DAP: variants seen among roughly 807,000 people sequenced by gnomAD.
DAP encodes the protein death associated protein, also known as death-associated protein 1.
DAP carries 8 observed loss-of-function variants against 13.8 expected under a neutral mutation model. The observed-to-expected ratio is 0.58, with a 90% CI of 0.34 to 1.05. The LOEUF (loss-of-function observed/expected upper bound fraction) is 1.05. DAP is among the 50% of genes least tolerant of loss of function. The pLI, the probability that DAP is intolerant of heterozygous loss-of-function variation, is 0.03. For missense variants in DAP, 106 were observed against 133.2 expected (o/e 0.80, Z 1.01); for synonymous variants, 47 against 47.5 (o/e 0.99, Z 0.04).
intron 1 of DAP, among the ~76,000 whole-genome samples, chr5:10,754,209 G>A (rs1377067854): frequency 2.0e-5 from 3 of 152,290 alleles, no homozygotes; most frequent in Admixed American, 6.5e-5. Flanking sequence ...CGGTAAGAAC[G>A]TATGCAGAGA....
intron 2 of DAP, among the ~76,000 whole-genome samples, chr5:10,730,812 G>A (rs1304084144): frequency 7.7e-6 from 1 of 129,056 alleles, no homozygotes; most frequent in Non-Finnish European, 1.6e-5. Flanking sequence ...CTGGTGGGGG[G>A]AATCCTTCTC....
intron 2 of DAP, among the ~76,000 whole-genome samples, chr5:10,702,404 G>A (rs1481997629): frequency 1.3e-5 from 2 of 152,170 alleles, no homozygotes; most frequent in Non-Finnish European, 2.9e-5. Flanking sequence ...AGAGATAGTG[G>A]ATTTATTTTT....
Position 10,679,691 on chromosome 5 carries a change from A to G in DAP, c.*1365T>C, listed in dbSNP as rs1046285193. 2.6e-5 allele frequency: 4 copies of G among 152,476 alleles called. No homozygotes were observed. The highest frequency in any genetic ancestry group is 9.6e-5 in the African/African-American group (4 of 41,460). The allele number at this position is 152,476 out of a possible 1,614,324, so 9.4% of individuals were successfully genotyped here. ...CCTTAAGTTGATTAGATGGGAAACC[A>G]AACACCGTCTTTCAAGTGTGAGGCT... On this transcript the variant is annotated 3_prime_UTR_variant, in exon 4 of 4. Coordinates refer to ENST00000230895, the MANE Select transcript of DAP (RefSeq NM_004394.3).
At chr5:10,709,422 G>A (rs1003526518) in intron 2 of DAP, among the ~76,000 whole-genome samples, 3 of 152,216 alleles carry the variant, frequency 2.0e-5, no homozygotes, top group African/African-American at 7.2e-5. Context: ...GAGTAACGAG[G>A]TAGGTAAGGG....
chr5:10,732,444 A>C (rs4701880), intron 2 of DAP, among the ~76,000 whole-genome samples: 13,045 of 152,268 alleles, frequency 0.086, 764 homozygotes, highest in East Asian at 0.29. Flanking sequence ...GGCCTTGTTG[A>C]ATATGTGGCC....
At chr5:10,758,133 A>G (rs1294271238) in intron 1 of DAP, among the ~76,000 whole-genome samples, 1 of 152,080 alleles carries the variant, frequency 6.6e-6, no homozygotes, top group East Asian at 1.9e-4. Context: ...CAACATTTTT[A>G]AGGCAGTGAT....
intron 2 of DAP, among the ~76,000 whole-genome samples, chr5:10,686,752 C>G (rs1738165921): frequency 1.3e-5 from 2 of 152,232 alleles, no homozygotes; most frequent in South Asian, 4.1e-4. Flanking sequence ...GGTGAAGCAG[C>G]AACTGCTGAG....
At chr5:10,692,949 C>T (rs1330806012) in intron 2 of DAP, among the ~76,000 whole-genome samples, 1 of 152,168 alleles carries the variant, frequency 6.6e-6, no homozygotes, top group Non-Finnish European at 1.5e-5. Flanking sequence ...AGAGCTTCTG[C>T]ACTCTTAGAA....
chr5:10,745,379 T>C (rs1199163587), intron 2 of DAP, among the ~76,000 whole-genome samples: 2 of 152,186 alleles, frequency 1.3e-5, no homozygotes, highest in East Asian at 1.9e-4. Context: ...TCCTAGCAAT[T>C]TGGCTGCAGG....
rs141889229 is a variant in DAP, at chr5:10,756,104, C to T, written c.55+4910G>A. Among the ~76,000 whole-genome samples, 150 of 91,616 alleles carry T rather than the reference C, an allele frequency of 1.6e-3. 32 individuals are homozygous for T. Among genetic ancestry groups the T allele is most frequent in the African/African-American group, 6.8e-3 (145 of 21,364 alleles). The allele number at this position is 91,616 out of a possible 152,430, so 60.1% of individuals were successfully genotyped here. ...CCAAGGTTGCAGTGAGCCAAGATCA[C>T]GCCACTGCACTCAAGCCTGAGAGAG... On this transcript the variant is annotated intron_variant, in intron 1 of 3. Coordinates refer to ENST00000230895, the MANE Select transcript of DAP (RefSeq NM_004394.3).
intron 2 of DAP, among the ~76,000 whole-genome samples, chr5:10,727,554 G>A (rs113079075): frequency 2.6e-5 from 4 of 152,126 alleles, no homozygotes; most frequent in African/African-American, 4.8e-5. Context: ...GGGTTTAGAT[G>A]GGGGGGACTG....
At chr5:10,757,399 A>T (rs1237095336) in intron 1 of DAP, among the ~76,000 whole-genome samples, 3 of 151,944 alleles carry the variant, frequency 2.0e-5, no homozygotes. Flanking sequence ...CTCAGCCTAC[A>T]GAGTAGCTGA....
chr5:10,755,148 G>A (rs1740150741), intron 1 of DAP, among the ~76,000 whole-genome samples: 1 of 152,318 alleles, frequency 6.6e-6, no homozygotes. Flanking sequence ...GAAGAGTCAG[G>A]GCTCTGAGTG....
intron 1 of DAP, among the ~76,000 whole-genome samples, chr5:10,749,468 TTG>T (rs1232161903): frequency 6.6e-6 from 1 of 152,200 alleles, no homozygotes; most frequent in African/African-American, 2.4e-5. Context: ...ACACTTACTA[TTG>T]TGTGTCTTTT....
At chr5:10,710,814 A>AG (rs1158144283) in intron 2 of DAP, among the ~76,000 whole-genome samples, 1 of 152,096 alleles carries the variant, frequency 6.6e-6, no homozygotes, top group African/African-American at 2.4e-5. Context: ...TATGAAAGGG[A>AG]GGGGCAAATG....
At chr5:10,685,589 G>A (rs531052374) in intron 2 of DAP, among the ~76,000 whole-genome samples, 9 of 152,194 alleles carry the variant, frequency 5.9e-5, no homozygotes, top group Non-Finnish European at 1.0e-4. Flanking sequence ...TAAACATCTA[G>A]GAACAGCCTG....
At chr5:10,691,638 A>G (rs1359958758) in intron 2 of DAP, among the ~76,000 whole-genome samples, 1 of 152,224 alleles carries the variant, frequency 6.6e-6, no homozygotes, top group African/African-American at 2.4e-5. Context: ...TGAAGATGCA[A>G]CATTATTTTC....
At chr5:10,741,121 T>C (rs1739742114) in intron 2 of DAP, among the ~76,000 whole-genome samples, 1 of 151,996 alleles carries the variant, frequency 6.6e-6, no homozygotes, top group Non-Finnish European at 1.5e-5. Flanking sequence ...GAGGCTGAGG[T>C]AGGAGGATTG....
At position 10,748,190 on chromosome 5, in the gene DAP, T is replaced by C; in HGVS notation, c.137A>G (p.Glu46Gly). The change falls in exon 2 of 4, where the codon GAA becomes GGA. Residue 46 changes from glutamate to glycine, a missense_variant. Coordinates refer to ENST00000230895, the MANE Select transcript of DAP (RefSeq NM_004394.3). ...ATCATCCCACCTGGGGCTTTCCCAT[T>C]CCTGGTCATCCTTGTCTTTCTCTTC... ...TKEEKDKDDQ[E>G]WESPSPPKPT... 1 of 1,613,738 alleles carries C rather than the reference T, an allele frequency of 6.2e-7. No individual in the cohort carries two copies.
Sources: allele counts gnomAD v4.1 joint callset (sites outside exome capture counted in the v4.1 genomes callset), GRCh38; gene constraint gnomAD v4.1.1; transcripts MANE v1.5; gene names NCBI Gene and HGNC (gene_info 2026-07-23, HGNC 2026-07-21).